FRMPD4: variants seen among roughly 807,000 people sequenced by gnomAD.
FRMPD4 encodes FERM and PDZ domain-containing protein 4.
Under a neutral mutation model 94.1 loss-of-function variants are expected in FRMPD4, and 22 were observed. The ratio of observed to expected loss-of-function variants is 0.23; its 90% CI spans 0.17 to 0.33. The LOEUF (loss-of-function observed/expected upper bound fraction) is 0.33, where lower values mean the gene tolerates loss of function less well. Ranked by LOEUF, FRMPD4 falls within the 10% of genes least tolerant of loss-of-function variation. FRMPD4 has a pLI of 1.00. For synonymous variants in FRMPD4, 631 were observed against 548.6 expected (o/e 1.15, Z -2.10); for missense variants, 1,111 against 1,339.9 (o/e 0.83, Z 2.67).
chrX:11,957,840 T>C lies in FRMPD4; in HGVS notation c.95+79822T>C, dbSNP rs144062655. ...TGGAGATAGTAATCTTTTTCCCTAATTCCAAATTTTCCTACAAACTGACAT... is the reference window on the plus strand; with the variant it reads ...TGGAGATAGTAATCTTTTTCCCTAACTCCAAATTTTCCTACAAACTGACAT... On this transcript the variant is annotated intron_variant, in intron 3 of 18. Transcript: ENST00000640291. 8.3e-3 allele frequency among the ~76,000 whole-genome samples: 933 copies of C among 112,467 alleles called. 7 individuals are homozygous for C. Among genetic ancestry groups the C allele is most frequent in the African/African-American group, 0.029 (905 of 30,997 alleles).
At chrX:12,164,258 C>T (rs1194261000) in intron 1 of FRMPD4, among the ~76,000 whole-genome samples, 1 of 110,754 alleles carries the variant, frequency 9.0e-6, no homozygotes, top group Non-Finnish European at 1.9e-5. Context: ...CATGTGTTCT[C>T]ATTGTTCAAT....
At chrX:12,271,835 T>C (rs2054358731) in intron 1 of FRMPD4, among the ~76,000 whole-genome samples, 1 of 112,177 alleles carries the variant, frequency 8.9e-6, no homozygotes, top group South Asian at 3.7e-4. Context: ...CCCCTGAGAA[T>C]CCATTTAAAA....
intron 1 of FRMPD4, among the ~76,000 whole-genome samples, chrX:12,232,452 C>T (rs1488566704): frequency 7.2e-5 from 8 of 110,698 alleles, no homozygotes; most frequent in Non-Finnish European, 3.8e-5. Flanking sequence ...CTTACTATCT[C>T]GAGAACAGCA....
At chrX:12,559,798 A>G (rs754834524) in intron 2 of FRMPD4, among the ~76,000 whole-genome samples, 1 of 112,009 alleles carries the variant, frequency 8.9e-6, no homozygotes, top group Non-Finnish European at 1.9e-5. Flanking sequence ...GCCTGGTTGA[A>G]CAATTATTTT....
At position 12,162,333 on chromosome X, in the gene FRMPD4, T is replaced by C. The variant is rs150149395; in HGVS notation, c.41+23321T>C. Among the ~76,000 whole-genome samples, 502 of 112,304 alleles carry C rather than the reference T, an allele frequency of 4.5e-3. 3 individuals carry two copies. Among genetic ancestry groups the C allele is most frequent in the African/African-American group, 0.016 (481 of 30,908 alleles). ...GTGTGTTCCACTTTGTACCACACAA[T>C]AGCAAGCTTAAGAAAGTTGGTGATG... On this transcript the variant is annotated intron_variant, in intron 1 of 16. Transcript: ENST00000675598.
At chrX:12,566,382 T>C (rs1256954497) in intron 2 of FRMPD4, among the ~76,000 whole-genome samples, 5 of 111,749 alleles carry the variant, frequency 4.5e-5, no homozygotes, top group African/African-American at 6.5e-5. Context: ...CTTGTCACCA[T>C]GCATTTTGTT....
chrX:12,370,054 T>G (rs907646781), intron 1 of FRMPD4, among the ~76,000 whole-genome samples: 5 of 112,554 alleles, frequency 4.4e-5, no homozygotes, highest in Non-Finnish European at 9.4e-5. Flanking sequence ...GCAAATGCTC[T>G]TTCATTTATC....
rs12862874 is a variant in FRMPD4 at position 12,341,540 on chromosome X, G to A, written c.42-157140G>A. The stretch of plus-strand genomic sequence containing the variant: ...TTTACTGAGTGTTTGTTATTTTTCA[G>A]GCACTCTGCTGTTTTATGAGACAGG... On this transcript the variant is annotated intron_variant, in intron 1 of 16. Coordinates refer to ENST00000675598, the MANE Select transcript of FRMPD4 (RefSeq NM_001368397.1). 7 of 293,182 alleles carry A rather than the reference G, an allele frequency of 2.4e-5. No individual in the cohort carries two copies. The East Asian group carries it at 6.1e-4, about 26-fold the overall frequency. 24.2% of individuals were successfully genotyped at this position (293,182 alleles called of 1,213,427 possible). A position where few individuals can be genotyped will look rare whatever the true frequency, so the allele number is the denominator to read the frequency against.
intron 1 of FRMPD4, among the ~76,000 whole-genome samples, chrX:12,465,331 G>A (rs1398919282): frequency 1.8e-5 from 2 of 111,558 alleles, no homozygotes; most frequent in African/African-American, 3.3e-5. Flanking sequence ...ATAATCCCAA[G>A]CCAGGAAGAG....
At chrX:12,100,159 A>T (rs1018506090) in intron 3 of FRMPD4, among the ~76,000 whole-genome samples, 9 of 112,221 alleles carry the variant, frequency 8.0e-5, no homozygotes, top group African/African-American at 2.6e-4. Flanking sequence ...TAGCTCAACT[A>T]TTTGGTGGAA....
At chrX:12,587,998 T>C (rs1423639282) in intron 2 of FRMPD4, among the ~76,000 whole-genome samples, 1 of 112,091 alleles carries the variant, frequency 8.9e-6, no homozygotes, top group African/African-American at 3.2e-5. Context: ...TTTTTGTTTG[T>C]TTATTTTTGA....
chrX:12,074,738 C>T (rs1278273605), intron 3 of FRMPD4, among the ~76,000 whole-genome samples: 1 of 112,526 alleles, frequency 8.9e-6, no homozygotes, highest in Non-Finnish European at 1.9e-5. Flanking sequence ...TAGCTTTTCT[C>T]CAGTGACAAG....
chrX:12,329,318 G>A (rs751939074), intron 1 of FRMPD4, among the ~76,000 whole-genome samples: 8 of 111,256 alleles, frequency 7.2e-5, no homozygotes, highest in Non-Finnish European at 1.1e-4. Flanking sequence ...AAAAAGCAGA[G>A]GAAAAGTTAT....
intron 1 of FRMPD4, among the ~76,000 whole-genome samples, chrX:12,279,034 T>A (rs1192334229): frequency 1.8e-5 from 2 of 113,193 alleles, no homozygotes; most frequent in African/African-American, 6.4e-5. Flanking sequence ...CCTGTCTCAT[T>A]CTTCCACTCT....
intron 1 of FRMPD4, among the ~76,000 whole-genome samples, chrX:12,476,865 T>G (rs1327285555): frequency 8.9e-6 from 1 of 111,831 alleles, no homozygotes; most frequent in Non-Finnish European, 1.9e-5. Context: ...ACACTGTTGG[T>G]GGGACTGTAA....
At chrX:12,513,914 C>T (rs2058069782) in intron 2 of FRMPD4, among the ~76,000 whole-genome samples, 1 of 111,673 alleles carries the variant, frequency 9.0e-6, no homozygotes, top group South Asian at 3.8e-4. Context: ...TTCTAGTTCT[C>T]CTTGAAGAGG....
At chrX:11,996,250 G>A (rs1426773818) in intron 3 of FRMPD4, among the ~76,000 whole-genome samples, 1 of 112,118 alleles carries the variant, frequency 8.9e-6, no homozygotes, top group African/African-American at 3.2e-5. Context: ...GATGACAAGG[G>A]GGAAAATTAA....
intron 1 of FRMPD4, among the ~76,000 whole-genome samples, chrX:12,274,169 GTA>G (rs1315517062): frequency 2.7e-5 from 3 of 110,288 alleles, no homozygotes; most frequent in Non-Finnish European, 5.7e-5. Flanking sequence ...ATAGACTTAG[GTA>G]TCTACTCTTT....
At chrX:12,367,391 C>G (rs2056099272) in intron 1 of FRMPD4, among the ~76,000 whole-genome samples, 1 of 112,430 alleles carries the variant, frequency 8.9e-6, no homozygotes, top group Non-Finnish European at 1.9e-5. Flanking sequence ...ACATTTCATG[C>G]TAATGAAGGT....
Sources: allele counts gnomAD v4.1 joint callset (sites outside exome capture counted in the v4.1 genomes callset), GRCh38; gene constraint gnomAD v4.1.1; transcripts MANE v1.5; gene names NCBI Gene and HGNC (gene_info 2026-07-23, HGNC 2026-07-21).